Variants in CTNNA2 observed in about 807,000 individuals in gnomAD.
The protein encoded by CTNNA2 is catenin alpha 2.
In CTNNA2, 42 loss-of-function variants were observed where a neutral mutation model predicts 101.0. The ratio of observed to expected loss-of-function variants is 0.42; its 90% CI spans 0.32 to 0.54. CTNNA2 has a LOEUF of 0.54. Among genes scored for constraint, CTNNA2 ranks in the 20% least tolerant of loss-of-function variants. The pLI, the probability that CTNNA2 is intolerant of heterozygous loss-of-function variation, is 0.14. For missense variants in CTNNA2, 871 were observed against 1,223.1 expected (o/e 0.71, Z 4.29); for synonymous variants, 450 against 456.4 (o/e 0.99, Z 0.18).
chr2:80,638,647 A>AG (rs1213235202), intron 18 of CTNNA2, among the ~76,000 whole-genome samples: 4 of 152,184 alleles, frequency 2.6e-5, no homozygotes, highest in African/African-American at 9.7e-5. Flanking sequence ...TTTATTGGTG[A>AG]GAAAAAAAAT....
In CTNNA2 at chr2:80,499,493, A is replaced by G. The variant is rs150331017; in HGVS notation, c.1291-45489A>G. 2.2e-3 allele frequency among the ~76,000 whole-genome samples: 327 copies of G among 147,626 alleles called. 1 individual carries two copies. The highest frequency in any genetic ancestry group is 7.6e-3 in the African/African-American group (307 of 40,488). ...TTGCTTTATAGTGTCATTGGCCTGA[A>G]TTTTTTTTTTTTAAAGGAGCTATAG... On this transcript the variant is annotated intron_variant, in intron 9 of 18. Transcript: ENST00000402739.
chr2:80,189,920 C>G (rs992633886), intron 7 of CTNNA2, among the ~76,000 whole-genome samples: 1 of 151,896 alleles, frequency 6.6e-6, no homozygotes, highest in African/African-American at 2.4e-5. Flanking sequence ...CTCAGTTAAT[C>G]AGAAGATGTT....
intron 7 of CTNNA2, chr2:80,028,133 T>C (rs1695059839): frequency 6.6e-6 from 1 of 152,160 alleles, no homozygotes; most frequent in Non-Finnish European, 1.5e-5. Flanking sequence ...ACTTCCAAAT[T>C]GGTTGCTGAA....
intron 3 of CTNNA2, among the ~76,000 whole-genome samples, chr2:79,800,590 C>T (rs1044851210): frequency 1.3e-5 from 2 of 152,202 alleles, no homozygotes; most frequent in African/African-American, 4.8e-5. Context: ...TAGAGGAGCC[C>T]ACCAGCAACA....
At chr2:79,807,100 T>C (rs1676639434) in intron 3 of CTNNA2, among the ~76,000 whole-genome samples, 1 of 152,282 alleles carries the variant, frequency 6.6e-6, no homozygotes, top group Middle Eastern at 3.4e-3. Flanking sequence ...TTTACTGTTA[T>C]TTTAATGAAA....
intron 18 of CTNNA2, among the ~76,000 whole-genome samples, chr2:80,619,754 G>A (rs796266589): frequency 1.2e-4 from 18 of 151,978 alleles, no homozygotes; most frequent in African/African-American, 4.3e-4. Flanking sequence ...TGACTAAAAT[G>A]TTCATTTTTT....
At chr2:80,036,110 C>T (rs1380166889) in intron 7 of CTNNA2, among the ~76,000 whole-genome samples, 1 of 152,204 alleles carries the variant, frequency 6.6e-6, no homozygotes, top group Non-Finnish European at 1.5e-5. Flanking sequence ...TCACCCAACC[C>T]TAGCAGAGTG....
chr2:80,212,717 A>G (rs1299361340), intron 7 of CTNNA2, among the ~76,000 whole-genome samples: 1 of 152,152 alleles, frequency 6.6e-6, no homozygotes, highest in Admixed American at 6.5e-5. Flanking sequence ...TGGTATCAGG[A>G]TGATGCTGGC....
At chr2:79,615,230 T>C (rs1322503492) in intron 1 of CTNNA2, among the ~76,000 whole-genome samples, 1 of 151,246 alleles carries the variant, frequency 6.6e-6, no homozygotes, top group African/African-American at 2.5e-5. Context: ...TTTAGTGTGA[T>C]CTGAAAACAA....
intron 7 of CTNNA2, among the ~76,000 whole-genome samples, chr2:79,984,696 G>A: frequency 6.6e-6 from 1 of 152,142 alleles, no homozygotes; most frequent in Middle Eastern, 3.2e-3. Context: ...GAACCACAGA[G>A]TGAGACTCAC....
chr2:79,534,227 T>C (rs1207842165), intron 1 of CTNNA2, among the ~76,000 whole-genome samples: 2 of 152,146 alleles, frequency 1.3e-5, no homozygotes, highest in Non-Finnish European at 2.9e-5. Flanking sequence ...ATAATTATTA[T>C]TTTATGGCTA....
intron 4 of CTNNA2, among the ~76,000 whole-genome samples, chr2:79,868,418 A>G (rs1682311360): frequency 6.6e-6 from 1 of 152,320 alleles, no homozygotes; most frequent in African/African-American, 2.4e-5. Flanking sequence ...ATGGTATTAC[A>G]TATCTCTGGG....
chr2:80,523,631 G>C (rs1204578668), intron 9 of CTNNA2, among the ~76,000 whole-genome samples: 1 of 152,172 alleles, frequency 6.6e-6, no homozygotes, highest in African/African-American at 2.4e-5. Context: ...CGGCTCCCCT[G>C]TTGTAAGGGT....
intron 4 of CTNNA2, among the ~76,000 whole-genome samples, chr2:79,397,848 A>G (rs182856226): frequency 6.6e-6 from 1 of 152,032 alleles, no homozygotes; most frequent in East Asian, 1.9e-4. Context: ...TCTTGTAGAG[A>G]CAGTGTCTCA....
chr2:80,619,301 T>G, intron 18 of CTNNA2, 73 bp downstream of exon 18: 1 of 1,349,950 alleles, frequency 7.4e-7, no homozygotes, highest in Non-Finnish European at 9.6e-7. Flanking sequence ...GGGATTGGAT[T>G]TTAGGGAAAT....
At chr2:79,570,585 T>G (rs1432123516) in intron 1 of CTNNA2, among the ~76,000 whole-genome samples, 1 of 152,122 alleles carries the variant, frequency 6.6e-6, no homozygotes, top group African/African-American at 2.4e-5. Flanking sequence ...GACACTAGGT[T>G]TAGAATTCAG....
rs183870618 is a variant in CTNNA2 at position 79,464,375 on chromosome 2, G to A, written c.-134-40679G>A. On this transcript the variant is annotated intron_variant, in intron 4 of 21. Transcript: ENST00000466387. ...ATATATGCCACATTTTCTTAATCCA[G>A]TCTATCATTGTTGGACATTTGGGTT... Among the ~76,000 whole-genome samples the A allele has an allele frequency of 7.7e-3, 1,169 of 152,236 alleles. 12 individuals carry two copies. Among genetic ancestry groups the A allele is most frequent in the African/African-American group, 0.026 (1,097 of 41,540 alleles).
chr2:79,383,376 T>C (rs1462739194), intron 4 of CTNNA2, among the ~76,000 whole-genome samples: 1 of 152,092 alleles, frequency 6.6e-6, no homozygotes, highest in African/African-American at 2.4e-5. Flanking sequence ...GAATGGACCT[T>C]GAAGGATAGA....
intron 15 of CTNNA2, among the ~76,000 whole-genome samples, chr2:80,596,635 C>T (rs915186770): frequency 6.6e-6 from 1 of 151,938 alleles, no homozygotes; most frequent in Non-Finnish European, 1.5e-5. Context: ...TCTAAGTACA[C>T]AATCATGTCA....
Sources: allele counts gnomAD v4.1 joint callset (sites outside exome capture counted in the v4.1 genomes callset), GRCh38; gene constraint gnomAD v4.1.1; transcripts MANE v1.5; gene names NCBI Gene and HGNC (gene_info 2026-07-23, HGNC 2026-07-21).